GDAP1: variants seen among roughly 807,000 people sequenced by gnomAD.
GDAP1 encodes the protein ganglioside-induced differentiation-associated protein 1.
Under a neutral mutation model 40.1 loss-of-function variants are expected in GDAP1, and 34 were observed. The ratio of observed to expected loss-of-function variants is 0.85; its 90% CI spans 0.64 to 1.13. GDAP1 has a LOEUF of 1.13. GDAP1 is among the 50% of genes most tolerant of loss of function. GDAP1 has a pLI of 0.00. For missense variants in GDAP1, 374 were observed against 433.7 expected (o/e 0.86, Z 1.22); for synonymous variants, 170 against 157.4 (o/e 1.08, Z -0.60).
At chr8:74,405,134 G>C (rs1805620460) in intron 2 of GDAP1, among the ~76,000 whole-genome samples, 1 of 150,058 alleles carries the variant, frequency 6.7e-6, no homozygotes. Context: ...AGAAGAGAAA[G>C]GAAGAGCAAA....
chr8:74,374,356 G>A (rs773413137), intron 2 of GDAP1, among the ~76,000 whole-genome samples: 1 of 152,118 alleles, frequency 6.6e-6, no homozygotes, highest in Non-Finnish European at 1.5e-5. Flanking sequence ...TTGTACCTCC[G>A]GTAGAATGGG....
intron 2 of GDAP1, among the ~76,000 whole-genome samples, chr8:74,474,118 C>G (rs1053064102): frequency 6.6e-6 from 1 of 152,110 alleles, no homozygotes; most frequent in African/African-American, 2.4e-5. Flanking sequence ...GCTAGGAATG[C>G]TAGTGATTTT....
intron 4 of GDAP1, among the ~76,000 whole-genome samples, 145 bp from the exon 5 acceptor site, chr8:74,362,784 CTTTTTTTTTT>C (rs1284434868): frequency 1.7e-5 from 1 of 60,450 alleles, no homozygotes; most frequent in Non-Finnish European, 3.1e-5. Context: ...CTCTCTCTCT[CTTTTTTTTTT>C]TTTTTTTTTT....
chr8:74,478,933 G>A (rs1023517063), intron 2 of GDAP1, among the ~76,000 whole-genome samples: 3 of 152,164 alleles, frequency 2.0e-5, no homozygotes, highest in Non-Finnish European at 4.4e-5. Context: ...GCCTTGTACA[G>A]GGTTCCCAGC....
chr8:74,449,675 A>G (rs1806273522), intron 2 of GDAP1, among the ~76,000 whole-genome samples: 1 of 151,826 alleles, frequency 6.6e-6, no homozygotes, highest in South Asian at 2.1e-4. Context: ...TACTAAGCTC[A>G]TATATTAATT....
chr8:74,397,755 G>A (rs1467660861), intron 2 of GDAP1, among the ~76,000 whole-genome samples: 1 of 152,148 alleles, frequency 6.6e-6, no homozygotes, highest in Non-Finnish European at 1.5e-5. Context: ...TTTGGTTACT[G>A]TAGCCTTGTA....
chr8:74,467,696 G>T (rs1052892909), intron 2 of GDAP1, among the ~76,000 whole-genome samples: 1 of 152,172 alleles, frequency 6.6e-6, no homozygotes, highest in Non-Finnish European at 1.5e-5. Flanking sequence ...TACCTATGGA[G>T]TGAATAGCCA....
At chr8:74,443,146 A>G (rs1806182604) in intron 2 of GDAP1, among the ~76,000 whole-genome samples, 3 of 152,328 alleles carry the variant, frequency 2.0e-5, no homozygotes, top group South Asian at 4.1e-4. Context: ...TGTGGTAAGA[A>G]GGAAGTGCCC....
chr8:74,350,433 TG>T lies in GDAP1; in HGVS notation c.-26del, dbSNP rs2131493258. The T allele has an allele frequency of 2.2e-6, 3 of 1,390,802 alleles. No individual in the cohort carries two copies. The highest frequency in any genetic ancestry group is 2.0e-6 in the Non-Finnish European group (2 of 979,714). 86.2% of individuals were successfully genotyped at this position (1,390,802 alleles called of 1,614,324 possible). A position where few individuals can be genotyped will look rare whatever the true frequency, so the allele number is the denominator to read the frequency against. ...AGGGAGAAGTCCAGGGCGGACAGGC[TG>T]GGCGCACCCGTGCTCGCGCACCCCA... On this transcript the variant is annotated 5_prime_UTR_variant, in exon 1 of 6. Transcript: ENST00000220822.
At chr8:74,378,842 T>G (rs922615324) in intron 2 of GDAP1, among the ~76,000 whole-genome samples, 1 of 152,186 alleles carries the variant, frequency 6.6e-6, no homozygotes, top group African/African-American at 2.4e-5. Context: ...CACAACCCAC[T>G]TCCTCTGTGA....
In GDAP1 at chr8:74,365,459, G is replaced by A; in HGVS notation, c.*1092G>A. ...AAGGGACAGTCTCGGTGTGTCCCATGAATAACCTTGGAACTGCAACAAATG... is the reference window on the plus strand; with the variant it reads ...AAGGGACAGTCTCGGTGTGTCCCATAAATAACCTTGGAACTGCAACAAATG... On this transcript the variant is annotated 3_prime_UTR_variant, in exon 6 of 6. Transcript: ENST00000220822. The A allele has an allele frequency of 2.2e-6, 1 of 453,820 alleles. No individual in the cohort carries two copies. The highest frequency in any genetic ancestry group is 4.4e-6 in the Non-Finnish European group (1 of 226,706). 28.1% of individuals were successfully genotyped at this position (453,820 alleles called of 1,614,324 possible).
intron 2 of GDAP1, among the ~76,000 whole-genome samples, chr8:74,421,947 T>G (rs1264581403): frequency 6.6e-6 from 1 of 152,180 alleles, no homozygotes. Context: ...GCCTTAGAAC[T>G]ACATTGCTAA....
intron 3 of GDAP1, 126 bp downstream of exon 3, chr8:74,360,436 A>T: frequency 1.2e-6 from 1 of 817,010 alleles, no homozygotes; most frequent in Non-Finnish European, 2.1e-6. Flanking sequence ...TGCTTCATGG[A>T]TGTGCATGTT....
intron 4 of GDAP1, among the ~76,000 whole-genome samples, 175 bp downstream of exon 4, chr8:74,362,153 T>A (rs746812771): frequency 6.6e-4 from 100 of 152,206 alleles, no homozygotes; most frequent in Non-Finnish European, 9.6e-4. Context: ...AGACTTGATA[T>A]TGAAACTTGA....
downstream of GDAP1, among the ~76,000 whole-genome samples, chr8:74,371,777 T>TA (rs1020633661): frequency 1.6e-4 from 23 of 145,296 alleles, no homozygotes; most frequent in South Asian, 6.7e-4. Flanking sequence ...ATTTTTTATT[T>TA]TTTTTTATTA....
chr8:74,354,770 C>G (rs1809025300), intron 2 of GDAP1, among the ~76,000 whole-genome samples: 1 of 152,156 alleles, frequency 6.6e-6, no homozygotes, highest in Non-Finnish European at 1.5e-5. Flanking sequence ...CCTCTGCATT[C>G]TGAGCTGTTT....
intron 2 of GDAP1, among the ~76,000 whole-genome samples, chr8:74,358,298 G>C (rs1225312686): frequency 4.6e-5 from 7 of 152,238 alleles, no homozygotes; most frequent in Admixed American, 4.6e-4. Flanking sequence ...CTCTTCTGGA[G>C]AGAAGCCCCA....
intron 2 of GDAP1, among the ~76,000 whole-genome samples, chr8:74,426,561 G>A (rs1036230756): frequency 1.2e-4 from 19 of 152,166 alleles, no homozygotes; most frequent in African/African-American, 4.3e-4. Flanking sequence ...ACTGTTCCAC[G>A]TTACTTTTCT....
At chr8:74,444,692 GT>G (rs1053158041) in intron 2 of GDAP1, among the ~76,000 whole-genome samples, 1 of 152,102 alleles carries the variant, frequency 6.6e-6, no homozygotes, top group Admixed American at 6.6e-5. Flanking sequence ...TTGGGTTATG[GT>G]TTTGCACCAG....
Sources: allele counts gnomAD v4.1 joint callset (sites outside exome capture counted in the v4.1 genomes callset), GRCh38; gene constraint gnomAD v4.1.1; transcripts MANE v1.5; gene names NCBI Gene and HGNC (gene_info 2026-07-23, HGNC 2026-07-21).